Variants in PARVB observed in about 807,000 individuals in gnomAD.
PARVB encodes the protein parvin beta.
A neutral mutation model predicts 47.0 loss-of-function variants in PARVB; 46 were observed. That is an observed-to-expected ratio of 0.98 (90% CI 0.77 to 1.25). The LOEUF (loss-of-function observed/expected upper bound fraction) is 1.25, where lower values mean the gene tolerates loss of function less well. PARVB is among the 50% of genes most tolerant of loss of function. The pLI is 0.00. For missense variants in PARVB, 473 were observed against 471.6 expected (o/e 1.00, Z -0.03); for synonymous variants, 196 against 196.3 (o/e 1.00, Z 0.01).
At chr22:44,016,146 G>C (rs1306176618) in intron 2 of PARVB, among the ~76,000 whole-genome samples, 2 of 144,632 alleles carry the variant, frequency 1.4e-5, no homozygotes, top group Non-Finnish European at 3.0e-5. Flanking sequence ...GCCCAGGCTG[G>C]AGTGCAGTGG....
intron 1 of PARVB, among the ~76,000 whole-genome samples, chr22:44,063,024 G>A (rs1297793570): frequency 6.6e-6 from 1 of 152,098 alleles, no homozygotes; most frequent in Non-Finnish European, 1.5e-5. Context: ...CCCCACCCAG[G>A]AGCCACCAAG....
chr22:44,088,593 G>A (rs1054913554), intron 1 of PARVB, among the ~76,000 whole-genome samples: 20 of 152,180 alleles, frequency 1.3e-4, no homozygotes, highest in African/African-American at 3.4e-4. Flanking sequence ...TGCCTCAGCC[G>A]CCCAAGTAGC....
At chr22:44,056,926 T>C (rs920400462) in intron 1 of PARVB, among the ~76,000 whole-genome samples, 2 of 82,550 alleles carry the variant, frequency 2.4e-5, no homozygotes, top group African/African-American at 9.4e-5. Context: ...GGGACCGAGC[T>C]GGGGGCTGAG....
chr22:44,124,903 G>C (rs2053154328), intron 4 of PARVB, among the ~76,000 whole-genome samples: 1 of 152,162 alleles, frequency 6.6e-6, no homozygotes, highest in African/African-American at 2.4e-5. Context: ...TTAGGAGAGA[G>C]AGAGACTAGG....
At chr22:44,045,168 C>T (rs919124714) in intron 1 of PARVB, among the ~76,000 whole-genome samples, 4 of 152,098 alleles carry the variant, frequency 2.6e-5, no homozygotes, top group South Asian at 2.1e-4. Flanking sequence ...GTGGGAGGAT[C>T]GCTTGAGCCC....
At chr22:44,161,816 C>T (rs934303480) in intron 11 of PARVB, among the ~76,000 whole-genome samples, 4 of 152,198 alleles carry the variant, frequency 2.6e-5, no homozygotes, top group East Asian at 1.9e-4. Context: ...CTGCACCCTC[C>T]GCACGGGCCG....
chr22:44,007,893 G>A (rs1342726370), intron 2 of PARVB, among the ~76,000 whole-genome samples: 1 of 152,074 alleles, frequency 6.6e-6, no homozygotes, highest in East Asian at 1.9e-4. Context: ...ACTCCTCTAG[G>A]TGCCTCATCT....
At chr22:44,122,870 G>A (rs925160838) in intron 4 of PARVB, among the ~76,000 whole-genome samples, 7 of 152,204 alleles carry the variant, frequency 4.6e-5, no homozygotes, top group African/African-American at 1.7e-4. Flanking sequence ...CCACTGTGTG[G>A]ATGTTCCTTC....
At chr22:44,142,563 A>G (rs2053576276) in intron 8 of PARVB, 1 of 152,108 alleles carries the variant, frequency 6.6e-6, no homozygotes, top group Non-Finnish European at 1.5e-5. Context: ...CAGGCTGTGT[A>G]TAGCACCCTG....
chr22:44,067,169 T>C (rs1484392573), intron 1 of PARVB, among the ~76,000 whole-genome samples: 3 of 152,272 alleles, frequency 2.0e-5, no homozygotes, highest in African/African-American at 7.2e-5. Context: ...AAATGGCGTG[T>C]CAGGAGCTGG....
chr22:44,147,669 T>C, intron 8 of PARVB, 192 bp from the exon 9 acceptor site: 1 of 750,346 alleles, frequency 1.3e-6, no homozygotes, highest in Non-Finnish European at 2.5e-6. Context: ...GCGCTCTTGC[T>C]CGCCTTGGTT....
chr22:44,094,096 G>A (rs2052238854), intron 2 of PARVB, 79 bp downstream of exon 2: 2 of 772,504 alleles, frequency 2.6e-6, no homozygotes, highest in South Asian at 1.7e-5. Context: ...AGGCCAATGA[G>A]GAGCCCGATA....
chr22:44,061,314 C>T (rs1044859542), intron 1 of PARVB, among the ~76,000 whole-genome samples: 2 of 151,972 alleles, frequency 1.3e-5, no homozygotes, highest in African/African-American at 4.8e-5. Context: ...TTCTGTAATC[C>T]CACCTATTCA....
chr22:44,082,002 G>A (rs1049081456), intron 1 of PARVB, among the ~76,000 whole-genome samples: 1 of 152,190 alleles, frequency 6.6e-6, no homozygotes, highest in African/African-American at 2.4e-5. Flanking sequence ...GGCTTGCGTC[G>A]AAGGACTTGC....
chr22:44,156,288 T>C (rs2053930823), intron 10 of PARVB, among the ~76,000 whole-genome samples: 1 of 150,768 alleles, frequency 6.6e-6, no homozygotes, highest in Non-Finnish European at 1.5e-5. Context: ...TCTTTTTTTT[T>C]TTTTTTTTTT....
At chr22:44,002,057 G>GT (rs1325281128) in intron 2 of PARVB, among the ~76,000 whole-genome samples, 27 of 152,262 alleles carry the variant, frequency 1.8e-4, no homozygotes, top group African/African-American at 6.5e-4. Flanking sequence ...ATAGGGGTGT[G>GT]TTGCCTCTGC....
chr22:44,067,544 CA>C (rs1286418019), intron 1 of PARVB, among the ~76,000 whole-genome samples: 1 of 152,190 alleles, frequency 6.6e-6, no homozygotes, highest in African/African-American at 2.4e-5. Flanking sequence ...GGACACTGGG[CA>C]GATGGAAAGG....
At chr22:44,031,607 CA>C (rs2146894284) in intron 1 of PARVB, 1 of 152,032 alleles carries the variant, frequency 6.6e-6, no homozygotes, top group South Asian at 2.1e-4. Flanking sequence ...ACCTTGGTTA[CA>C]AACCTCCCAG....
intron 1 of PARVB, chr22:44,086,831 A>C (rs2052035478): frequency 1.0e-6 from 1 of 985,256 alleles, no homozygotes; most frequent in African/African-American, 1.7e-5. Context: ...GTACGGATGG[A>C]AGTTGGAAAA....
Sources: gnomAD v4.1 joint callset for allele counts (sites outside exome capture counted in the v4.1 genomes callset) on GRCh38, gnomAD v4.1.1 for gene constraint, MANE v1.5 for transcripts, NCBI Gene and HGNC (gene_info 2026-07-23, HGNC 2026-07-21) for gene names.